The following LGR6 variants were observed in gnomAD, a reference collection of about 807,000 sequenced individuals.
The protein encoded by LGR6 is leucine rich repeat containing G protein-coupled receptor 6, also known as leucine-rich repeat-containing G protein-coupled receptor 6.
LGR6 carries 45 observed loss-of-function variants against 69.4 expected under a neutral mutation model. The ratio of observed to expected loss-of-function variants is 0.65; its 90% CI spans 0.51 to 0.83. The LOEUF is 0.83. Among genes scored for constraint, LGR6 ranks in the 40% least tolerant of loss-of-function variants. The pLI, the probability that LGR6 is intolerant of heterozygous loss-of-function variation, is 0.00. For missense variants in LGR6, 1,108 were observed against 1,246.7 expected, an observed-to-expected ratio of 0.89 and a Z score of 1.68; for synonymous variants, 538 against 555.0, an observed-to-expected ratio of 0.97 and a Z score of 0.43.
intron 10 of LGR6, among the ~76,000 whole-genome samples, chr1:202,303,556 T>C (rs1392118898): frequency 6.6e-6 from 1 of 152,224 alleles, no homozygotes; most frequent in Non-Finnish European, 1.5e-5. Flanking sequence ...GTGAGGAGGC[T>C]GGTCTTTCTC....
chr1:202,220,540 T>C (rs1159497499), intron 1 of LGR6, among the ~76,000 whole-genome samples: 2 of 152,156 alleles, frequency 1.3e-5, no homozygotes, highest in Admixed American at 6.5e-5. Context: ...TCTTGTGAGG[T>C]AGCTAGTGTC....
At chr1:202,310,878 C>T (rs934382118) in intron 16 of LGR6, among the ~76,000 whole-genome samples, 1 of 152,100 alleles carries the variant, frequency 6.6e-6, no homozygotes, top group Non-Finnish European at 1.5e-5. Flanking sequence ...CTCCAGTCTG[C>T]CCCATGAGTC....
At chr1:202,306,055 G>A (rs1283992086) in intron 12 of LGR6, among the ~76,000 whole-genome samples, 2 of 152,180 alleles carry the variant, frequency 1.3e-5, no homozygotes, top group Non-Finnish European at 2.9e-5. Flanking sequence ...TGGAGGGACA[G>A]GGTCACATCA....
chr1:202,262,600 T>C (rs924956523), intron 4 of LGR6, among the ~76,000 whole-genome samples: 13 of 152,192 alleles, frequency 8.5e-5, no homozygotes, highest in Non-Finnish European at 1.6e-4. Flanking sequence ...ATGTAATGTT[T>C]TCTTTCAGTT....
At chr1:202,296,037 C>T (rs1028596002) in intron 6 of LGR6, among the ~76,000 whole-genome samples, 2 of 152,098 alleles carry the variant, frequency 1.3e-5, no homozygotes, top group African/African-American at 2.4e-5. Context: ...AGGAGCCTGT[C>T]ATTATCTCCA....
intron 4 of LGR6, among the ~76,000 whole-genome samples, chr1:202,251,889 A>G (rs1571898114): frequency 6.6e-6 from 1 of 151,828 alleles, no homozygotes; most frequent in Non-Finnish European, 1.5e-5. Flanking sequence ...AAGAGAGAGA[A>G]GAGGAGGGAG....
At chr1:202,299,589 C>G (rs1337300324) in intron 7 of LGR6, among the ~76,000 whole-genome samples, 2 of 152,160 alleles carry the variant, frequency 1.3e-5, no homozygotes, top group Non-Finnish European at 2.9e-5. Context: ...CTAAATCCCT[C>G]AGAGCTTGGC....
intron 4 of LGR6, among the ~76,000 whole-genome samples, chr1:202,250,692 C>T (rs192194394): frequency 1.3e-5 from 2 of 152,284 alleles, no homozygotes; most frequent in East Asian, 3.9e-4. Flanking sequence ...AAGTGAGCCA[C>T]CACACCCAGA....
At chr1:202,294,440 GTTC>G (rs1198257119) in intron 6 of LGR6, among the ~76,000 whole-genome samples, 1 of 152,162 alleles carries the variant, frequency 6.6e-6, no homozygotes, top group Non-Finnish European at 1.5e-5. Context: ...CATCAGGTTG[GTTC>G]TTCTGCTGGA....
At chr1:202,210,601 C>A (rs1304811662) in intron 1 of LGR6, 1 of 152,204 alleles carries the variant, frequency 6.6e-6, no homozygotes, top group African/African-American at 2.4e-5. Context: ...TGGAGCCGCA[C>A]TGGGGAGCCT....
rs768263862 is a variant in LGR6 at position 202,304,626 on chromosome 1, G to A, written c.1066G>A (p.Val356Ile). The A allele has an allele frequency of 1.2e-5, 20 of 1,608,240 alleles. No individual in the cohort carries two copies. Among genetic ancestry groups the A allele is most frequent in the Non-Finnish European group, 1.7e-5 (20 of 1,175,708 alleles). ...GTGCCAACAGCTGCCCAGGCTCCGA[G>A]TCCTGTGAGTGCTCACAAGAATTCT... The part of the protein sequence containing the change: ...GMCQQLPRLR[V>I]LELSHNQIEE... The change falls in exon 11 of 18, where the codon GTC becomes ATC. Residue 356 changes from valine (V) to isoleucine (I), a missense_variant. Val to Ile is a conservative substitution (Grantham distance 29, BLOSUM62 3). Transcript: ENST00000367278.
intron 1 of LGR6, among the ~76,000 whole-genome samples, chr1:202,205,394 T>C (rs1440773686): frequency 1.0e-3 from 6 of 5,786 alleles, no homozygotes; most frequent in African/African-American, 2.5e-3. Flanking sequence ...CACACCTCCT[T>C]CAAACACACA....
chr1:202,204,360 A>AAACACACACAC (rs1658961137), intron 1 of LGR6, among the ~76,000 whole-genome samples: 1 of 106,352 alleles, frequency 9.4e-6, no homozygotes, highest in Non-Finnish European at 1.9e-5. Context: ...ACACACCTCC[A>AAACACACACAC]CACACACACA....
intron 1 of LGR6, among the ~76,000 whole-genome samples, chr1:202,220,988 C>A (rs879409679): frequency 6.6e-6 from 1 of 152,128 alleles, no homozygotes; most frequent in Non-Finnish European, 1.5e-5. Flanking sequence ...AAGTCATATG[C>A]CTTAAATCTA....
At chr1:202,275,425 A>C (rs1369760823) in intron 4 of LGR6, among the ~76,000 whole-genome samples, 1 of 152,216 alleles carries the variant, frequency 6.6e-6, no homozygotes, top group Non-Finnish European at 1.5e-5. Context: ...CTAAGGTTGA[A>C]AAATCTCCTT....
intron 1 of LGR6, among the ~76,000 whole-genome samples, chr1:202,222,086 T>C (rs574736969): frequency 1.3e-5 from 2 of 152,366 alleles, no homozygotes; most frequent in Admixed American, 1.3e-4. Flanking sequence ...TTCCCAGGGC[T>C]GGTGGCATTG....
chr1:202,208,029 C>T (rs1230689886), intron 1 of LGR6, among the ~76,000 whole-genome samples: 1 of 152,170 alleles, frequency 6.6e-6, no homozygotes, highest in Non-Finnish European at 1.5e-5. Flanking sequence ...ACCTGCAGAG[C>T]CCTGCTGGCT....
intron 4 of LGR6, among the ~76,000 whole-genome samples, chr1:202,257,661 C>G (rs1663883305): frequency 6.6e-6 from 1 of 152,098 alleles, no homozygotes; most frequent in Admixed American, 6.5e-5. Flanking sequence ...ACTCTGAATT[C>G]TATTCAATTG....
intron 10 of LGR6, 71 bp downstream of exon 10, chr1:202,303,418 C>A (rs1356283271): frequency 5.0e-6 from 6 of 1,211,192 alleles, no homozygotes; most frequent in Non-Finnish European, 7.4e-6. Context: ...CCACTCCCTG[C>A]CCCTGGAAGG....
Sources: gnomAD v4.1 joint callset for allele counts (sites outside exome capture counted in the v4.1 genomes callset) on GRCh38, gnomAD v4.1.1 for gene constraint, MANE v1.5 for transcripts, NCBI Gene and HGNC (gene_info 2026-07-23, HGNC 2026-07-21) for gene names.